SLC35F3: variants seen among roughly 807,000 people sequenced by gnomAD.
The protein encoded by SLC35F3 is solute carrier family 35 member F3.
A neutral mutation model predicts 49.9 loss-of-function variants in SLC35F3; 25 were observed. The observed-to-expected ratio is 0.50, with a 90% CI of 0.37 to 0.70. SLC35F3 has a LOEUF of 0.70. Ranked by LOEUF, SLC35F3 falls within the 30% of genes least tolerant of loss-of-function variation. The probability of loss-of-function intolerance (pLI) is 0.00; values close to 1 mark genes in which losing one functional copy is unlikely to be tolerated. For synonymous variants in SLC35F3, 275 were observed against 265.4 expected (o/e 1.04, Z -0.35); for missense variants, 525 against 639.8 (o/e 0.82, Z 1.94).
At position 233,922,327 on chromosome 1, in the gene SLC35F3, C is replaced by T. The variant is rs539317743; in HGVS notation, c.283+16569C>T. Among the ~76,000 whole-genome samples the T allele has an allele frequency of 2.2e-4, 34 of 152,012 alleles. No homozygotes were observed. The East Asian group carries it at 5.0e-3, about 22-fold the overall frequency. On this transcript the variant is annotated intron_variant, in intron 2 of 7. Transcript: ENST00000366618. ...TGTTGTTTCCTGACTTTTTAATGAT[C>T]GCCATTCTAACTGGTGTGAGATGGT... is the stretch of plus-strand genomic sequence containing the variant.
chr1:234,315,089 G>A (rs1255825018), intron 4 of SLC35F3, among the ~76,000 whole-genome samples: 2 of 152,098 alleles, frequency 1.3e-5, no homozygotes, highest in African/African-American at 4.8e-5. Flanking sequence ...TGAGATGTAG[G>A]CATACATCTG....
At chr1:233,997,437 C>CT (rs1663479287) in intron 2 of SLC35F3, among the ~76,000 whole-genome samples, 2 of 152,170 alleles carry the variant, frequency 1.3e-5, no homozygotes. Context: ...GATAGTCACT[C>CT]TAATGGGTGT....
At chr1:233,936,507 C>T (rs1662329956) in intron 2 of SLC35F3, among the ~76,000 whole-genome samples, 1 of 143,802 alleles carries the variant, frequency 7.0e-6, no homozygotes, top group Non-Finnish European at 1.6e-5. Flanking sequence ...GCCTCTTTCA[C>T]CTTCTTGTTC....
chr1:234,214,054 G>A lies in SLC35F3; in HGVS notation c.284-17363G>A. The A allele has an allele frequency of 2.3e-6, 1 of 431,428 alleles. No homozygotes were observed. Among genetic ancestry groups the A allele is most frequent in the Non-Finnish European group, 3.1e-6 (1 of 321,316 alleles). 26.7% of individuals were successfully genotyped at this position (431,428 alleles called of 1,614,324 possible). ...TCAGGGTCTCCCCTCCGCAGGCGCT[G>A]GTCCTTTTAAAGGGCTTCTCAGAGA... On this transcript the variant is annotated intron_variant, in intron 2 of 7. Coordinates refer to ENST00000366618, the MANE Select transcript of SLC35F3 (RefSeq NM_173508.4). This position sits in a 1 kb window ranked among gnomAD's most constrained non-coding sequence, Gnocchi z 8.0.
chr1:234,019,623 A>C (rs1663861702), intron 2 of SLC35F3, among the ~76,000 whole-genome samples: 1 of 152,170 alleles, frequency 6.6e-6, no homozygotes, highest in Non-Finnish European at 1.5e-5. Context: ...GCTTTCCTCA[A>C]CATCCACAGA....
At chr1:234,012,050 GGAA>G (rs1405884933) in intron 2 of SLC35F3, among the ~76,000 whole-genome samples, 4 of 152,152 alleles carry the variant, frequency 2.6e-5, no homozygotes, top group Non-Finnish European at 5.9e-5. Context: ...GGTGATAATA[GGAA>G]GAAGGTCAGC....
At chr1:234,044,181 G>T (rs1664259624) in intron 2 of SLC35F3, among the ~76,000 whole-genome samples, 1 of 152,190 alleles carries the variant, frequency 6.6e-6, no homozygotes, top group Admixed American at 6.5e-5. Context: ...CTGTTTGCAT[G>T]TGTCCACTTT....
intron 2 of SLC35F3, among the ~76,000 whole-genome samples, chr1:234,011,442 T>A (rs1156285045): frequency 4.6e-5 from 7 of 152,228 alleles, no homozygotes; most frequent in African/African-American, 1.7e-4. Context: ...CATTTTCCAA[T>A]GTGTTTATTC....
chr1:233,970,745 A>G (rs1265399281), intron 2 of SLC35F3, among the ~76,000 whole-genome samples: 1 of 152,180 alleles, frequency 6.6e-6, no homozygotes, highest in Non-Finnish European at 1.5e-5. Flanking sequence ...CAGAGAGAAG[A>G]CGGCCATCTG....
chr1:234,061,802 G>T (rs906822833), intron 2 of SLC35F3, among the ~76,000 whole-genome samples: 1 of 151,754 alleles, frequency 6.6e-6, no homozygotes, highest in East Asian at 1.9e-4. Flanking sequence ...TTTACGTTTG[G>T]CTTTTTAAAA....
intron 1 of SLC35F3, 62 bp from the exon 2 acceptor site, chr1:233,905,467 C>A: frequency 8.0e-7 from 1 of 1,248,038 alleles, no homozygotes; most frequent in Non-Finnish European, 1.1e-6. Context: ...CCTCACGAAT[C>A]CCCTCCTCTC....
At chr1:234,033,536 G>C (rs775431156) in intron 2 of SLC35F3, among the ~76,000 whole-genome samples, 1 of 152,152 alleles carries the variant, frequency 6.6e-6, no homozygotes, top group Non-Finnish European at 1.5e-5. Flanking sequence ...TTTTGCATAG[G>C]ATGAGAGATG....
intron 3 of SLC35F3, among the ~76,000 whole-genome samples, chr1:234,305,174 C>T (rs1180423750): frequency 6.6e-6 from 1 of 152,074 alleles, no homozygotes; most frequent in African/African-American, 2.4e-5. Context: ...TGTGATATAA[C>T]CAAATTTTAG....
At chr1:233,985,330 G>A (rs1663250005) in intron 2 of SLC35F3, among the ~76,000 whole-genome samples, 1 of 152,184 alleles carries the variant, frequency 6.6e-6, no homozygotes, top group South Asian at 2.1e-4. Flanking sequence ...GCTTCTGTTT[G>A]TGCTCCATGC....
At chr1:234,112,700 C>G (rs1665426629) in intron 2 of SLC35F3, among the ~76,000 whole-genome samples, 1 of 134,626 alleles carries the variant, frequency 7.4e-6, no homozygotes, top group Non-Finnish European at 1.6e-5. Flanking sequence ...GGACTACAGG[C>G]GTCCGCCACC....
intron 2 of SLC35F3, among the ~76,000 whole-genome samples, chr1:234,042,747 G>T (rs896781425): frequency 2.0e-5 from 3 of 152,246 alleles, no homozygotes; most frequent in South Asian, 2.1e-4. Flanking sequence ...ATAGTTGCAA[G>T]CATGGTGCGT....
intron 3 of SLC35F3, among the ~76,000 whole-genome samples, chr1:234,246,335 C>T (rs1408039169): frequency 6.6e-6 from 1 of 152,164 alleles, no homozygotes; most frequent in East Asian, 1.9e-4. Flanking sequence ...GCTTCAAGCC[C>T]TTCTAGACAC....
At chr1:234,030,772 A>G (rs575255468) in intron 2 of SLC35F3, among the ~76,000 whole-genome samples, 35 of 152,348 alleles carry the variant, frequency 2.3e-4, no homozygotes, top group Non-Finnish European at 4.0e-4. Flanking sequence ...TATAACACCT[A>G]TAACATCATG....
chr1:234,192,390 A>C (rs1224868759), intron 2 of SLC35F3, among the ~76,000 whole-genome samples: 2 of 152,246 alleles, frequency 1.3e-5, no homozygotes, highest in South Asian at 2.1e-4. Flanking sequence ...CATTTGACAA[A>C]GTCCAGCATC....
Sources: allele counts gnomAD v4.1 joint callset (sites outside exome capture counted in the v4.1 genomes callset), GRCh38; gene constraint gnomAD v4.1.1; non-coding constraint Gnocchi (gnomAD v3.1); transcripts MANE v1.5; gene names NCBI Gene and HGNC (gene_info 2026-07-23, HGNC 2026-07-21).